ADAMTSL1: variants seen among roughly 807,000 people sequenced by gnomAD.
ADAMTSL1 encodes ADAMTS-like protein 1.
ADAMTSL1 carries 126 observed loss-of-function variants against 201.8 expected under a neutral mutation model. The ratio of observed to expected loss-of-function variants is 0.62; its 90% CI spans 0.54 to 0.72. The LOEUF (loss-of-function observed/expected upper bound fraction) is 0.72, where lower values mean the gene tolerates loss of function less well. Ranked by LOEUF, ADAMTSL1 falls within the 30% of genes least tolerant of loss-of-function variation. ADAMTSL1 has a pLI of 0.00. For missense variants in ADAMTSL1, 2,679 were observed against 2,277.8 expected (o/e 1.18, Z -3.59); for synonymous variants, 1,121 against 903.4 (o/e 1.24, Z -4.32).
intron 14 of ADAMTSL1, among the ~76,000 whole-genome samples, chr9:18,716,304 T>C (rs1279493058): frequency 6.6e-6 from 1 of 151,548 alleles, no homozygotes; most frequent in African/African-American, 2.4e-5. Flanking sequence ...ACAGGCAACC[T>C]ACAAAATGGG....
At chr9:18,116,072 A>T (rs1297457110) in intron 1 of ADAMTSL1, among the ~76,000 whole-genome samples, 3 of 152,116 alleles carry the variant, frequency 2.0e-5, no homozygotes, top group South Asian at 2.1e-4. Flanking sequence ...AGGGACAGAG[A>T]CCGTGGGTAA....
intron 2 of ADAMTSL1, among the ~76,000 whole-genome samples, chr9:18,437,805 G>A (rs1017511659): frequency 6.6e-6 from 1 of 152,146 alleles, no homozygotes; most frequent in African/African-American, 2.4e-5. Context: ...GAGCTTCCCA[G>A]CTTTGGCAAG....
At chr9:18,798,021 C>G (rs1020732233) in intron 20 of ADAMTSL1, among the ~76,000 whole-genome samples, 4 of 151,822 alleles carry the variant, frequency 2.6e-5, no homozygotes, top group Non-Finnish European at 4.4e-5. Context: ...CTTGATGAAT[C>G]TCAGCACTAC....
At chr9:18,150,016 G>C (rs1418486347) in intron 1 of ADAMTSL1, among the ~76,000 whole-genome samples, 3 of 152,040 alleles carry the variant, frequency 2.0e-5, no homozygotes, top group Admixed American at 6.6e-5. Flanking sequence ...GGAAAGGCTG[G>C]ACAAGAAATA....
chr9:18,633,515 G>A (rs10963689), intron 5 of ADAMTSL1, among the ~76,000 whole-genome samples: 30,431 of 151,950 alleles, frequency 0.2, 3,678 homozygotes, highest in East Asian at 0.5. Context: ...CTTGAACCCA[G>A]GGGGCGGAGG....
chr9:18,534,363 T>A (rs1301670665), intron 3 of ADAMTSL1, among the ~76,000 whole-genome samples: 2 of 151,990 alleles, frequency 1.3e-5, no homozygotes, highest in African/African-American at 4.8e-5. Flanking sequence ...ACCCTGTCTC[T>A]TATAAGAAAG....
intron 23 of ADAMTSL1, among the ~76,000 whole-genome samples, chr9:18,859,021 T>G (rs942920720): frequency 6.6e-6 from 1 of 152,138 alleles, no homozygotes; most frequent in African/African-American, 2.4e-5. Flanking sequence ...GAAAAGCAAA[T>G]AAAATGAAAT....
intron 23 of ADAMTSL1, among the ~76,000 whole-genome samples, chr9:18,842,048 T>C (rs1563848617): frequency 6.6e-6 from 1 of 151,258 alleles, no homozygotes; most frequent in Non-Finnish European, 1.5e-5. Flanking sequence ...TCAGTTCTGC[T>C]CTGATTTTAG....
At chr9:18,331,606 G>C (rs1041791960) in intron 2 of ADAMTSL1, among the ~76,000 whole-genome samples, 7 of 152,072 alleles carry the variant, frequency 4.6e-5, no homozygotes, top group Admixed American at 3.9e-4. Context: ...TTTTATCTCT[G>C]GTGTAGAGGT....
intron 1 of ADAMTSL1, among the ~76,000 whole-genome samples, chr9:18,000,594 T>A (rs902489967): frequency 3.3e-5 from 5 of 152,068 alleles, no homozygotes; most frequent in African/African-American, 1.2e-4. Context: ...ACTTTTAACT[T>A]GGGAAAAACC....
intron 2 of ADAMTSL1, among the ~76,000 whole-genome samples, chr9:18,336,564 A>G (rs2132939515): frequency 6.6e-6 from 1 of 152,316 alleles, no homozygotes. Flanking sequence ...AATTCTTTAG[A>G]CAATACACAG....
At chr9:18,243,223 A>G (rs907937779) in intron 2 of ADAMTSL1, among the ~76,000 whole-genome samples, 1 of 152,184 alleles carries the variant, frequency 6.6e-6, no homozygotes, top group African/African-American at 2.4e-5. Flanking sequence ...AAGAGGATAC[A>G]ATGGTGAAAG....
At chr9:18,034,543 C>T (rs944340032) in intron 1 of ADAMTSL1, among the ~76,000 whole-genome samples, 5 of 152,094 alleles carry the variant, frequency 3.3e-5, no homozygotes, top group African/African-American at 1.2e-4. Flanking sequence ...ACCAGTTTTG[C>T]CTCTTGACTT....
At chr9:18,560,133 T>C (rs1821391475) in intron 3 of ADAMTSL1, among the ~76,000 whole-genome samples, 1 of 152,210 alleles carries the variant, frequency 6.6e-6, no homozygotes, top group Non-Finnish European at 1.5e-5. Context: ...CAGTATGATA[T>C]TGGCTGTGGG....
At chr9:18,492,550 G>A (rs1822319252) in intron 1 of ADAMTSL1, among the ~76,000 whole-genome samples, 1 of 152,154 alleles carries the variant, frequency 6.6e-6, no homozygotes, top group Non-Finnish European at 1.5e-5. Context: ...TAGGACTGAA[G>A]CTGTAGGACT....
chr9:18,017,329 C>A (rs1820300615), intron 1 of ADAMTSL1, among the ~76,000 whole-genome samples: 1 of 151,770 alleles, frequency 6.6e-6, no homozygotes, highest in Admixed American at 6.6e-5. Context: ...GAATATGCTT[C>A]CAAGTTTCTA....
intron 1 of ADAMTSL1, among the ~76,000 whole-genome samples, chr9:18,001,404 G>A (rs567621834): frequency 6.6e-6 from 1 of 152,146 alleles, no homozygotes; most frequent in East Asian, 2.0e-4. Flanking sequence ...GGTCCAAGAT[G>A]AGGGAGACAG....
intron 1 of ADAMTSL1, among the ~76,000 whole-genome samples, chr9:17,949,713 A>G (rs1299157572): frequency 3.3e-5 from 5 of 152,162 alleles, no homozygotes; most frequent in African/African-American, 1.2e-4. Context: ...GACTGACAGT[A>G]TCAGTCCCCA....
intron 1 of ADAMTSL1, among the ~76,000 whole-genome samples, chr9:17,969,573 T>C (rs1818120784): frequency 6.6e-6 from 1 of 152,098 alleles, no homozygotes; most frequent in African/African-American, 2.4e-5. Context: ...AAGAAAATGA[T>C]CACGAGCACT....
Sources: allele counts gnomAD v4.1 joint callset (sites outside exome capture counted in the v4.1 genomes callset), GRCh38; gene constraint gnomAD v4.1.1; transcripts MANE v1.5; gene names NCBI Gene and HGNC (gene_info 2026-07-23, HGNC 2026-07-21).